The following CNTNAP5 variants were observed in gnomAD, a reference collection of about 807,000 sequenced individuals.
The protein encoded by CNTNAP5 is contactin associated protein family member 5, also known as contactin-associated protein-like 5.
Under a neutral mutation model 150.2 loss-of-function variants are expected in CNTNAP5, and 72 were observed. The ratio of observed to expected loss-of-function variants is 0.48; its 90% CI spans 0.40 to 0.58. CNTNAP5 has a LOEUF of 0.58. Ranked by LOEUF, CNTNAP5 falls within the 20% of genes least tolerant of loss-of-function variation. The pLI is 0.00. For missense variants in CNTNAP5, 1,636 were observed against 1,626.2 expected (o/e 1.01, Z -0.10); for synonymous variants, 672 against 619.8 (o/e 1.08, Z -1.25).
chr2:124,192,067 CTA>C (rs966118537), intron 1 of CNTNAP5, among the ~76,000 whole-genome samples: 1 of 152,146 alleles, frequency 6.6e-6, no homozygotes, highest in Non-Finnish European at 1.5e-5. Context: ...AAAATTAACT[CTA>C]TTGCTTAAGT....
intron 12 of CNTNAP5, among the ~76,000 whole-genome samples, chr2:124,631,797 G>A (rs11677481): frequency 0.4 from 61,471 of 152,100 alleles, 14,519 homozygotes; most frequent in Non-Finnish European, 0.54. Flanking sequence ...CCTACAGAAT[G>A]GGAGAACATT....
intron 11 of CNTNAP5, among the ~76,000 whole-genome samples, chr2:124,574,156 G>A (rs1696224362): frequency 6.6e-6 from 1 of 152,110 alleles, no homozygotes; most frequent in Admixed American, 6.6e-5. Flanking sequence ...AAAACCAAGA[G>A]GCAAAACGTC....
At chr2:124,825,116 AT>A (rs1682566171) in intron 19 of CNTNAP5, among the ~76,000 whole-genome samples, 1 of 152,194 alleles carries the variant, frequency 6.6e-6, no homozygotes, top group African/African-American at 2.4e-5. Context: ...TGAGATAACT[AT>A]TTTAACTATA....
Position 124,025,557 on chromosome 2 carries a change from C to A in CNTNAP5, c.-94C>A. On this transcript the variant is annotated 5_prime_UTR_variant, in exon 1 of 24. Transcript: ENST00000682447. The stretch of plus-strand genomic sequence containing the variant: ...TCTCCAAGCGGGGGTGGGAGGGGGT[C>A]AGGCTGTGCAGAGGAGAGAGACAGC... 9.2e-7 allele frequency: 1 copy of A among 1,087,224 alleles called. No homozygotes were observed. The highest frequency in any genetic ancestry group is 1.3e-5 in the South Asian group (1 of 78,846). 67.3% of individuals were successfully genotyped at this position (1,087,224 alleles called of 1,614,324 possible).
intron 3 of CNTNAP5, among the ~76,000 whole-genome samples, chr2:124,257,843 G>C (rs1687351989): frequency 6.6e-6 from 1 of 151,966 alleles, no homozygotes; most frequent in African/African-American, 2.4e-5. Context: ...TACTTGGTCT[G>C]GTATGGAGTA....
At chr2:124,214,909 C>T (rs917829325) in intron 1 of CNTNAP5, among the ~76,000 whole-genome samples, 3 of 152,106 alleles carry the variant, frequency 2.0e-5, no homozygotes, top group East Asian at 1.9e-4. Flanking sequence ...CTTCCTTTCA[C>T]GACTGATTTT....
Position 124,917,895 on chromosome 2 carries a change from A to G in CNTNAP5, c.*3607A>G, listed in dbSNP as rs1678802541. 1.3e-5 allele frequency among the ~76,000 whole-genome samples: 2 copies of G among 152,118 alleles called. No individual in the cohort carries two copies. The highest frequency in any genetic ancestry group is 4.1e-4 in the South Asian group (2 of 4,826). ...ATTATTTTTGTGAAGCATCTGCCAG[A>G]CTGAAAGAAATGTAAATTTCTGGGA... On this transcript the variant is annotated 3_prime_UTR_variant, in exon 24 of 24. Transcript: ENST00000682447.
At chr2:124,293,906 G>A (rs1272628043) in intron 3 of CNTNAP5, among the ~76,000 whole-genome samples, 2 of 152,148 alleles carry the variant, frequency 1.3e-5, no homozygotes, top group African/African-American at 2.4e-5. Context: ...AGTCTGGGGG[G>A]CTGAGAAGTT....
intron 12 of CNTNAP5, among the ~76,000 whole-genome samples, chr2:124,618,056 T>TCTCATAAAG (rs577044305): frequency 3.7e-4 from 57 of 152,082 alleles, no homozygotes; most frequent in African/African-American, 1.3e-3. Flanking sequence ...ACCCAGAAAA[T>TCTCATAAAG]CTCATAAAGC....
At chr2:124,027,762 G>T (rs1011383348) in intron 1 of CNTNAP5, among the ~76,000 whole-genome samples, 1 of 152,214 alleles carries the variant, frequency 6.6e-6, no homozygotes, top group Middle Eastern at 3.4e-3. Context: ...AATGCTCACT[G>T]CTTGCTAAAT....
rs905233190 is a variant in CNTNAP5 at position 124,759,376 on chromosome 2, T to TTA, written c.2235-4285_2235-4284dup. 4.6e-4 allele frequency among the ~76,000 whole-genome samples: 67 copies of TTA among 146,612 alleles called. 1 individual carries two copies. The highest frequency in any genetic ancestry group is 1.5e-3 in the African/African-American group (59 of 40,220). On this transcript the variant is annotated intron_variant, in intron 14 of 23. Transcript: ENST00000682447. ...TATATATATTCATTATATATATTTA[T>TTA]TATATATATATAAATTATATATATA...
intron 3 of CNTNAP5, among the ~76,000 whole-genome samples, chr2:124,295,486 C>G (rs1179208599): frequency 5.3e-5 from 7 of 131,168 alleles, no homozygotes; most frequent in Admixed American, 7.6e-5. Flanking sequence ...TTACTGAGGA[C>G]AGCGAAAATC....
intron 21 of CNTNAP5, among the ~76,000 whole-genome samples, chr2:124,900,058 T>G (rs1461480478): frequency 6.6e-6 from 1 of 151,378 alleles, no homozygotes; most frequent in African/African-American, 2.4e-5. Context: ...GGTTTAAATC[T>G]CAACCCTGCT....
chr2:124,390,756 T>C (rs1006074378), intron 3 of CNTNAP5, among the ~76,000 whole-genome samples: 1 of 152,114 alleles, frequency 6.6e-6, no homozygotes, highest in Non-Finnish European at 1.5e-5. Context: ...AAACACTGGG[T>C]GTTATAATGT....
chr2:124,566,804 C>G (rs79507031), intron 11 of CNTNAP5, among the ~76,000 whole-genome samples: 5,181 of 152,250 alleles, frequency 0.034, 308 homozygotes, highest in African/African-American at 0.12. Context: ...ATTTCATCAG[C>G]AAGCTTGTGC....
intron 19 of CNTNAP5, among the ~76,000 whole-genome samples, chr2:124,858,437 T>C (rs1268579662): frequency 6.6e-6 from 1 of 151,948 alleles, no homozygotes; most frequent in Non-Finnish European, 1.5e-5. Context: ...AAATCATGAG[T>C]TAACTCCCAT....
At chr2:124,664,966 C>G (rs1021223566) in intron 13 of CNTNAP5, among the ~76,000 whole-genome samples, 1 of 152,114 alleles carries the variant, frequency 6.6e-6, no homozygotes, top group East Asian at 1.9e-4. Context: ...GGATTATAGG[C>G]GTGAGCCACT....
At chr2:124,181,251 A>G (rs1224291041) in intron 1 of CNTNAP5, among the ~76,000 whole-genome samples, 4 of 152,142 alleles carry the variant, frequency 2.6e-5, no homozygotes, top group Admixed American at 6.5e-5. Context: ...TGAAGACTCA[A>G]TAAATAATTG....
At chr2:124,899,421 G>T (rs896975121) in intron 21 of CNTNAP5, among the ~76,000 whole-genome samples, 3 of 151,180 alleles carry the variant, frequency 2.0e-5, no homozygotes, top group African/African-American at 7.4e-5. Flanking sequence ...GAGGACATGG[G>T]GCTAAAATCA....
Sources: gnomAD v4.1 joint callset for allele counts (sites outside exome capture counted in the v4.1 genomes callset) on GRCh38, gnomAD v4.1.1 for gene constraint, MANE v1.5 for transcripts, NCBI Gene and HGNC (gene_info 2026-07-23, HGNC 2026-07-21) for gene names.